Variants in TENM3 observed in about 807,000 individuals in gnomAD.
TENM3 encodes the protein teneurin transmembrane protein 3, also known as teneurin-3.
In TENM3, 63 loss-of-function variants were observed where a neutral mutation model predicts 255.1. The observed-to-expected ratio is 0.25, with a 90% confidence interval of 0.20 to 0.30. The LOEUF (loss-of-function observed/expected upper bound fraction) is 0.30. Among genes scored for constraint, TENM3 ranks in the 10% least tolerant of loss-of-function variants. TENM3 has a pLI of 1.00. For synonymous variants in TENM3, 1,306 were observed against 1,322.3 expected, an observed-to-expected ratio of 0.99 and a Z score of 0.27; for missense variants, 2,929 against 3,461.1, an observed-to-expected ratio of 0.85 and a Z score of 3.86.
the TENM3 span, chr4:181,821,598 G>A: frequency 2.0e-5 from 3 of 152,188 alleles, no homozygotes; most frequent in Admixed American, 2.0e-4. Flanking sequence ...AAGTCTGCCT[G>A]AGCGGTATTT....
At chr4:182,348,469 G>T (rs960276092) in intron 3 of TENM3, among the ~76,000 whole-genome samples, 30 of 152,070 alleles carry the variant, frequency 2.0e-4, no homozygotes, top group African/African-American at 7.0e-4. Context: ...TTCAAAGGTA[G>T]CACCCAGCAT....
chr4:182,430,747 TCACGCCTGTAATC>T lies in TENM3; in HGVS notation c.511+83820_511+83832del, dbSNP rs557783472. 2.2e-4 allele frequency among the ~76,000 whole-genome samples: 34 copies of T among 152,160 alleles called. No homozygotes were observed. The East Asian group carries it at 6.2e-3, about 28-fold the overall frequency. On this transcript the variant is annotated intron_variant, in intron 3 of 27. Transcript: ENST00000511685. ...ATAACTTTGGGCTGGGCGTGGTGGC[TCACGCCTGTAATC>T]CCAGCACTGCAGGAGCCGAGGCGGG...
chr4:181,487,524 C>T, the TENM3 span, among the ~76,000 whole-genome samples: 2 of 152,124 alleles, frequency 1.3e-5, no homozygotes, highest in African/African-American at 4.8e-5. Flanking sequence ...GTGGAAGGGG[C>T]AAGAGGTCTC....
the TENM3 span, among the ~76,000 whole-genome samples, chr4:181,958,706 C>T: frequency 1.3e-5 from 2 of 152,044 alleles, no homozygotes; most frequent in East Asian, 3.9e-4. Flanking sequence ...GGAGTTGATC[C>T]CCAAGAGAAA....
the TENM3 span, among the ~76,000 whole-genome samples, chr4:181,708,029 A>G: frequency 2.0e-5 from 3 of 152,172 alleles, no homozygotes; most frequent in Non-Finnish European, 2.9e-5. Context: ...CTTCAAAGCT[A>G]TGAAAAATTC....
chr4:181,810,581 A>C, the TENM3 span, among the ~76,000 whole-genome samples: 2 of 152,046 alleles, frequency 1.3e-5, no homozygotes, highest in South Asian at 4.1e-4. Context: ...TAGACTTTGA[A>C]AGATAAAACT....
At chr4:181,761,074 T>C in the TENM3 span, among the ~76,000 whole-genome samples, 128,860 of 151,546 alleles carry the variant, frequency 0.85, 54,933 homozygotes, top group East Asian at 0.94. Flanking sequence ...AATTTAGTTG[T>C]TCATATTTTA....
the TENM3 span, among the ~76,000 whole-genome samples, chr4:181,901,265 C>CACT: frequency 6.6e-6 from 1 of 152,170 alleles, no homozygotes; most frequent in African/African-American, 2.4e-5. Context: ...CTGGTGATGT[C>CACT]ACTCATGGAG....
chr4:181,568,457 T>C, the TENM3 span, among the ~76,000 whole-genome samples: 19 of 152,148 alleles, frequency 1.2e-4, no homozygotes, highest in Non-Finnish European at 2.4e-4. Context: ...CCCAAAGTGC[T>C]GGGATTACAG....
At chr4:182,650,889 A>AAAAAAATATATAT (rs1281790163) in intron 5 of TENM3, among the ~76,000 whole-genome samples, 1 of 29,766 alleles carries the variant, frequency 3.4e-5, no homozygotes, top group African/African-American at 2.4e-4. Flanking sequence ...AATAAAAAAA[A>AAAAAAATATATAT]ATATATATAT....
At chr4:182,731,455 C>G (rs1760697645) in intron 16 of TENM3, among the ~76,000 whole-genome samples, 1 of 151,478 alleles carries the variant, frequency 6.6e-6, no homozygotes, top group South Asian at 2.1e-4. Context: ...TTGCAGTGAG[C>G]CGAGATCACA....
At chr4:181,658,289 A>G in the TENM3 span, among the ~76,000 whole-genome samples, 4 of 152,226 alleles carry the variant, frequency 2.6e-5, no homozygotes, top group East Asian at 1.9e-4. Flanking sequence ...CTAAGAAATC[A>G]CATGTTGAAA....
chr4:181,937,030 G>T, the TENM3 span, among the ~76,000 whole-genome samples: 3 of 152,196 alleles, frequency 2.0e-5, no homozygotes, highest in Admixed American at 2.0e-4. Flanking sequence ...ACATACAGTG[G>T]CCAGAATAGA....
At chr4:181,698,600 T>C in the TENM3 span, among the ~76,000 whole-genome samples, 2 of 152,174 alleles carry the variant, frequency 1.3e-5, no homozygotes, top group African/African-American at 4.8e-5. Flanking sequence ...AAAGGTGGTA[T>C]GGAATACAAA....
At chr4:182,497,847 C>CACATATATATATATAT (rs1735927853) in intron 3 of TENM3, among the ~76,000 whole-genome samples, 1 of 135,640 alleles carries the variant, frequency 7.4e-6, no homozygotes, top group East Asian at 2.1e-4. Context: ...ACTAAAAATA[C>CACATATATATATATAT]ATATATATAT....
At chr4:181,566,535 C>T in the TENM3 span, among the ~76,000 whole-genome samples, 3 of 151,970 alleles carry the variant, frequency 2.0e-5, no homozygotes, top group Admixed American at 6.6e-5. Context: ...TTCCTCTTTC[C>T]CACCCTTCTC....
the TENM3 span, among the ~76,000 whole-genome samples, chr4:181,923,617 C>T: frequency 2.7e-4 from 41 of 152,080 alleles, no homozygotes; most frequent in Non-Finnish European, 4.0e-4. Context: ...AAGATGTAAA[C>T]AAACATATTA....
intron 3 of TENM3, among the ~76,000 whole-genome samples, chr4:182,537,461 T>A (rs1369894209): frequency 1.3e-5 from 2 of 152,242 alleles, no homozygotes; most frequent in Non-Finnish European, 2.9e-5. Flanking sequence ...TTCTGTTTCG[T>A]GCTCCATTAC....
chr4:182,663,275 AC>A (rs1754375491), intron 6 of TENM3, among the ~76,000 whole-genome samples: 1 of 152,216 alleles, frequency 6.6e-6, no homozygotes, highest in South Asian at 2.1e-4. Flanking sequence ...ACCCCCTTCA[AC>A]AAAATAGCTA....
Sources: allele counts gnomAD v4.1 joint callset (sites outside exome capture counted in the v4.1 genomes callset), GRCh38; gene constraint gnomAD v4.1.1; transcripts MANE v1.5; gene names NCBI Gene and HGNC (gene_info 2026-07-23, HGNC 2026-07-21).